The following MRPS24 variants were observed in gnomAD, a reference collection of about 807,000 sequenced individuals.
MRPS24 encodes small ribosomal subunit protein uS3m.
In MRPS24, 15 loss-of-function variants were observed where a neutral mutation model predicts 21.8. That is an observed-to-expected ratio of 0.69 (90% CI 0.46 to 1.06). The LOEUF (loss-of-function observed/expected upper bound fraction) is 1.06, where lower values mean the gene tolerates loss of function less well. Among genes scored for constraint, MRPS24 ranks in the 50% least tolerant of loss-of-function variants. The probability of loss-of-function intolerance (pLI) is 0.00; values close to 1 mark genes in which losing one functional copy is unlikely to be tolerated. For synonymous variants in MRPS24, 93 were observed against 93.7 expected (o/e 0.99, Z 0.04); for missense variants, 224 against 219.1 (o/e 1.02, Z -0.14).
intron 3 of MRPS24, among the ~76,000 whole-genome samples, chr7:43,867,232 G>A (rs182250176): frequency 1.3e-5 from 2 of 152,308 alleles, no homozygotes; most frequent in African/African-American, 4.8e-5. Flanking sequence ...GGAAGATGGA[G>A]GCCTGAGTCA....
chr7:43,868,178 T>C (rs2132632995), intron 3 of MRPS24: 1 of 152,324 alleles, frequency 6.6e-6, no homozygotes, highest in East Asian at 1.9e-4. Context: ...TACATGTATG[T>C]TCTCCCTAAG....
intron 3 of MRPS24, chr7:43,868,312 A>G (rs1161205682): frequency 6.6e-6 from 1 of 152,144 alleles, no homozygotes; most frequent in Non-Finnish European, 1.5e-5. Context: ...AAGATTCTAG[A>G]CCATAAAAAG....
Position 43,866,798 on chromosome 7 carries a change from G to A in MRPS24, c.405C>T (p.Leu135=), listed in dbSNP as rs1316685133. The A allele has an allele frequency of 2.5e-6, 4 of 1,614,230 alleles. No homozygotes were observed. Among genetic ancestry groups the A allele is most frequent in the East Asian group, 2.2e-5 (1 of 44,886 alleles). ...ACAGCAAAGTTTCACTGTAGCCCAC[G>A]AGGAAGTAGTACTTGTGTGGAGACA... ...RQLSPHKYYF[L]VGYSETLLSY... Residue 135 remains leucine (L), a synonymous_variant, in exon 4 of 4, where the codon CTC becomes CTT. Transcript: ENST00000317534.
Position 43,866,847 on chromosome 7 carries a change from A to C in MRPS24, c.356T>G (p.Ile119Ser). 1.2e-6 allele frequency: 2 copies of C among 1,614,226 alleles called. No individual in the cohort carries two copies. Among genetic ancestry groups the C allele is most frequent in the Non-Finnish European group, 1.7e-6 (2 of 1,180,040 alleles). ...CAACTGCCTCAGGACCACGGCACAG[A>C]TCTCCAACTGGTTACCCCGGCGCTT... is the stretch of plus-strand genomic sequence containing the variant. ...VLKRRGNQLE[I>S]CAVVLRQLSP... The change falls in exon 4 of 4, where the codon ATC becomes AGC. Residue 119 changes from isoleucine to serine, a missense_variant. Ile to Ser is a moderately radical substitution (Grantham distance 142, BLOSUM62 -2). Coordinates refer to ENST00000317534, the MANE Select transcript of MRPS24 (RefSeq NM_032014.3).
Position 43,869,238 on chromosome 7 carries a change from C to G in MRPS24, c.108+70G>C. The G allele has an allele frequency of 6.7e-7, 1 of 1,486,866 alleles. No homozygotes were observed. Among genetic ancestry groups the G allele is most frequent in the Non-Finnish European group, 8.9e-7 (1 of 1,123,300 alleles). 92.1% of individuals were successfully genotyped at this position (1,486,866 alleles called of 1,614,324 possible). On this transcript the variant is annotated intron_variant, in intron 2 of 3. Transcript: ENST00000317534. This position sits in a 1 kb window ranked among gnomAD's most constrained non-coding sequence, Gnocchi z 4.8. ...ACCCCAGCGACACGCCCCCTTCAGC[C>G]CGCACGGCTTCCCCGGCCCCCGGCC...
chr7:43,866,942 C>T lies in MRPS24; in HGVS notation c.261G>A (p.Val87=), dbSNP rs1012192528. ...DGEDHAAERT[V]EDVFLRKFMW... ...TGAACTTGCGAAGGAAAACATCCTC[C>T]ACCGTTCGCTCTGCGGCATGGTCCT... is the stretch of plus-strand genomic sequence containing the variant. The change falls in exon 4 of 4, where the codon GTG becomes GTA. Residue 87 remains valine (V), a synonymous_variant. Transcript: ENST00000317534. 33 of 1,614,026 alleles carry T rather than the reference C, an allele frequency of 2.0e-5. No individual in the cohort carries two copies. The highest frequency in any genetic ancestry group is 2.7e-5 in the Non-Finnish European group (32 of 1,180,006).
At chr7:43,867,093 A>G (rs1196423510) in intron 3 of MRPS24, 111 bp from the exon 4 acceptor site, 3 of 1,097,238 alleles carry the variant, frequency 2.7e-6, no homozygotes, top group Non-Finnish European at 3.9e-6. Context: ...CTTCACCCCC[A>G]GCCTCTTCTC....
In MRPS24 at chr7:43,869,454, C is replaced by A; in HGVS notation, c.39+3G>T. 6.4e-7 allele frequency: 1 copy of A among 1,563,086 alleles called. No individual in the cohort carries two copies. The highest frequency in any genetic ancestry group is 8.7e-7 in the Non-Finnish European group (1 of 1,154,708). On this transcript the variant is annotated splice_donor_region_variant and intron_variant, in intron 1 of 3. Coordinates refer to ENST00000317534, the MANE Select transcript of MRPS24 (RefSeq NM_032014.3). This position sits in a 1 kb window ranked among gnomAD's most constrained non-coding sequence, Gnocchi z 4.8. The stretch of plus-strand genomic sequence containing the variant: ...CAGGGACCTGCCGAGTCGCCCCACT[C>A]ACCCGTGGCCCCAGCAACCCGCTGC...
Position 43,869,248 on chromosome 7 carries a change from T to TCCCCGGC in MRPS24, c.108+53_108+59dup, listed in dbSNP as rs1320528891. ...CACGCCCCCTTCAGCCCGCACGGCT[T>TCCCCGGC]CCCCGGCCCCCGGCCCCCCGGCCCC... On this transcript the variant is annotated intron_variant, in intron 2 of 3. Coordinates refer to ENST00000317534, the MANE Select transcript of MRPS24 (RefSeq NM_032014.3). This position sits in a 1 kb window ranked among gnomAD's most constrained non-coding sequence, Gnocchi z 4.8. 19 of 1,489,330 alleles carry TCCCCGGC rather than the reference T, an allele frequency of 1.3e-5. No individual in the cohort carries two copies. Among genetic ancestry groups the TCCCCGGC allele is most frequent in the South Asian group, 6.5e-5 (5 of 76,406 alleles). The allele number at this position is 1,489,330 out of a possible 1,614,324, so 92.3% of individuals were successfully genotyped here.
rs372141101 is a variant in MRPS24 at position 43,869,351 on chromosome 7, G to A, written c.65C>T (p.Pro22Leu). The A allele has an allele frequency of 9.4e-4, 1,457 of 1,548,998 alleles. 1 individual carries two copies. Among genetic ancestry groups the A allele is most frequent in the Non-Finnish European group, 1.2e-3 (1,390 of 1,146,702 alleles). The part of the protein sequence containing the change: ...PRVLSWSREL[P>L]CAWRALHTSP... ...GGTGTGCAGGGCGCGCCAAGCGCAA[G>A]GCAGCTCTCGGCTCCAGGACAGCAC... is the stretch of plus-strand genomic sequence containing the variant. The change falls in exon 2 of 4, where the codon CCT becomes CTT. Residue 22 changes from proline to leucine, a missense_variant. By Grantham distance (98) the Pro-to-Leu change is moderately conservative. Transcript: ENST00000317534. This position sits in a 1 kb window ranked among gnomAD's most constrained non-coding sequence, Gnocchi z 4.8.
Position 43,869,334 on chromosome 7 carries a change from G to A in MRPS24, c.82C>T (p.Leu28=), listed in dbSNP as rs1053333308. 38 of 1,547,614 alleles carry A rather than the reference G, an allele frequency of 2.5e-5. No individual in the cohort carries two copies. Among genetic ancestry groups the A allele is most frequent in the African/African-American group, 1.5e-4 (11 of 72,978 alleles). ...TTGGCGCAGACCGGGGAGGTGTGCA[G>A]GGCGCGCCAAGCGCAAGGCAGCTCT... The part of the protein sequence containing the change: ...SRELPCAWRA[L]HTSPVCAKNR... The change falls in exon 2 of 4, where the codon CTG becomes TTG. Residue 28 remains leucine (L), a synonymous_variant. Coordinates refer to ENST00000317534, the MANE Select transcript of MRPS24 (RefSeq NM_032014.3). The surrounding 1 kb of genome is among the most constrained non-coding windows in gnomAD (Gnocchi z 4.8).
At position 43,867,122 on chromosome 7, in the gene MRPS24, A is replaced by G; in HGVS notation, c.221-140T>C. ...TCTTCTCTTTTCTTCTGCTAATGGA[A>G]TAAGAAAAATAACACTTTAAAGTTC... is the stretch of plus-strand genomic sequence containing the variant. On this transcript the variant is annotated intron_variant, in intron 3 of 3. Coordinates refer to ENST00000317534, the MANE Select transcript of MRPS24 (RefSeq NM_032014.3). 3 of 812,634 alleles carry G rather than the reference A, an allele frequency of 3.7e-6. No homozygotes were observed. The East Asian group carries it at 7.9e-5, about 21-fold the overall frequency. The allele number at this position is 812,634 out of a possible 1,614,324, so 50.3% of individuals were successfully genotyped here. A position where few individuals can be genotyped will look rare whatever the true frequency, so the allele number is the denominator to read the frequency against.
In MRPS24 at chr7:43,866,572, T is replaced by G; in HGVS notation, c.*127A>C. 9.3e-7 allele frequency: 1 copy of G among 1,077,982 alleles called. No homozygotes were observed. Among genetic ancestry groups the G allele is most frequent in the Admixed American group, 2.5e-5 (1 of 40,644 alleles). 66.8% of individuals were successfully genotyped at this position (1,077,982 alleles called of 1,614,324 possible). The stretch of plus-strand genomic sequence containing the variant: ...GAGAGGCAAGACAAGATAGAAGGTC[T>G]TTATTCAATAGCAGATGAGAGACTA... On this transcript the variant is annotated 3_prime_UTR_variant, in exon 4 of 4. Coordinates refer to ENST00000317534, the MANE Select transcript of MRPS24 (RefSeq NM_032014.3).
Position 43,866,766 on chromosome 7 carries a change from A to C in MRPS24, c.437T>G (p.Phe146Cys). The change falls in exon 4 of 4, where the codon TTT becomes TGT. Residue 146 changes from phenylalanine to cysteine, a missense_variant. Transcript: ENST00000317534. ...VGYSETLLSYFYKCPVRLHLQ... is the reference protein window; with the variant it reads ...VGYSETLLSYCYKCPVRLHLQ... ...GTGGAGTCGCACAGGACATTTGTAAAAGTAGGACAGCAAAGTTTCACTGTA... is the reference window on the plus strand; with the variant it reads ...GTGGAGTCGCACAGGACATTTGTAACAGTAGGACAGCAAAGTTTCACTGTA... The C allele has an allele frequency of 6.2e-7, 1 of 1,614,230 alleles. No homozygotes were observed.
Position 43,869,373 on chromosome 7 carries a change from G to A in MRPS24, c.43C>T (p.Leu15=). 6.5e-7 allele frequency: 1 copy of A among 1,549,776 alleles called. No homozygotes were observed. The change falls in exon 2 of 4, where the codon CTG becomes TTG. Residue 15 remains leucine, a synonymous_variant. Transcript: ENST00000317534. This position sits in a 1 kb window ranked among gnomAD's most constrained non-coding sequence, Gnocchi z 4.8. ...CAAGGCAGCTCTCGGCTCCAGGACA[G>A]CACCTGTGGAGGGAGGGCGCGTGAG... ...VCSGLLGPRV[L]SWSRELPCAW... is the part of the protein sequence containing the mutation.
At position 43,869,455 on chromosome 7, in the gene MRPS24, A is replaced by G; in HGVS notation, c.39+2T>C. 1 of 1,561,890 alleles carries G rather than the reference A, an allele frequency of 6.4e-7. No individual in the cohort carries two copies. Among genetic ancestry groups the G allele is most frequent in the Non-Finnish European group, 8.7e-7 (1 of 1,154,470 alleles). ...AGGGACCTGCCGAGTCGCCCCACTC[A>G]CCCGTGGCCCCAGCAACCCGCTGCA... is the stretch of plus-strand genomic sequence containing the variant. On this transcript the variant is annotated splice_donor_variant, in intron 1 of 3. Coordinates refer to ENST00000317534, the MANE Select transcript of MRPS24 (RefSeq NM_032014.3). LOFTEE classifies it high-confidence loss of function. This position sits in a 1 kb window ranked among gnomAD's most constrained non-coding sequence, Gnocchi z 4.8.
chr7:43,869,512 C>A lies in MRPS24; in HGVS notation c.-17G>T. ...GGCCGCCATCTTGGGCCAAGCGGAG[C>A]GCGGGACGTACCACAGCGCGCTGAG... On this transcript the variant is annotated 5_prime_UTR_variant, in exon 1 of 4. Coordinates refer to ENST00000317534, the MANE Select transcript of MRPS24 (RefSeq NM_032014.3). The surrounding 1 kb of genome is among the most constrained non-coding windows in gnomAD (Gnocchi z 4.8). 6.4e-7 allele frequency: 1 copy of A among 1,560,832 alleles called. No homozygotes were observed. Among genetic ancestry groups the A allele is most frequent in the African/African-American group, 1.4e-5 (1 of 73,814 alleles).
At position 43,868,771 on chromosome 7, in the gene MRPS24, T is replaced by A. The variant is rs2132633514; in HGVS notation, c.220+192A>T. 4.6e-6 allele frequency: 3 copies of A among 646,526 alleles called. No homozygotes were observed. In the East Asian group the frequency reaches 9.7e-5, roughly 21 times the overall value. The allele number at this position is 646,526 out of a possible 1,614,324, so 40.0% of individuals were successfully genotyped here. ...TGCCATGGAAAAAGTCAGTTTTGCA[T>A]CCATCTTCAAATTTGTTTCAACATC... On this transcript the variant is annotated intron_variant, in intron 3 of 3. Coordinates refer to ENST00000317534, the MANE Select transcript of MRPS24 (RefSeq NM_032014.3).
In MRPS24 at chr7:43,869,259, C is replaced by CG; in HGVS notation, c.108+48dup. ...CAGCCCGCACGGCTTCCCCGGCCCC[C>CG]GGCCCCCCGGCCCCCAGGCCCCCAG... On this transcript the variant is annotated intron_variant, in intron 2 of 3. Transcript: ENST00000317534. This position sits in a 1 kb window ranked among gnomAD's most constrained non-coding sequence, Gnocchi z 4.8. The CG allele has an allele frequency of 1.4e-6, 2 of 1,448,320 alleles. No individual in the cohort carries two copies. Among genetic ancestry groups the CG allele is most frequent in the Non-Finnish European group, 1.8e-6 (2 of 1,095,558 alleles). 89.7% of individuals were successfully genotyped at this position (1,448,320 alleles called of 1,614,324 possible).
Sources: gnomAD v4.1 joint callset for allele counts (sites outside exome capture counted in the v4.1 genomes callset) on GRCh38, gnomAD v4.1.1 for gene constraint, Gnocchi (gnomAD v3.1) non-coding constraint, MANE v1.5 for transcripts, NCBI Gene and HGNC (gene_info 2026-07-23, HGNC 2026-07-21) for gene names.